Variants in N4BP2L2 observed in about 807,000 individuals in gnomAD.
The protein encoded by N4BP2L2 is NEDD4 binding protein 2 like 2, also known as NEDD4-binding protein 2-like 2.
A neutral mutation model predicts 56.2 loss-of-function variants in N4BP2L2; 50 were observed. The ratio of observed to expected loss-of-function variants is 0.89; its 90% CI spans 0.71 to 1.13. N4BP2L2 has a LOEUF of 1.13. Among genes scored for constraint, N4BP2L2 ranks in the 50% most tolerant of loss-of-function variants. The pLI is 0.00. For synonymous variants in N4BP2L2, 203 were observed against 223.6 expected (o/e 0.91, Z 0.82); for missense variants, 689 against 693.8 (o/e 0.99, Z 0.08).
At chr13:32,441,872 T>C (rs2076420255) in intron 7 of N4BP2L2, among the ~76,000 whole-genome samples, 1 of 147,790 alleles carries the variant, frequency 6.8e-6, no homozygotes, top group African/African-American at 2.5e-5. Flanking sequence ...TGAAACCTCG[T>C]CTCTACTAAA....
chr13:32,469,605 G>C (rs1014834001), intron 6 of N4BP2L2, among the ~76,000 whole-genome samples: 4 of 152,200 alleles, frequency 2.6e-5, no homozygotes, highest in African/African-American at 9.7e-5. Flanking sequence ...GTGGGAGTTA[G>C]GCAACTAATG....
rs146616547 is a variant in N4BP2L2, at chr13:32,463,605, G to A, written c.366-19479C>T. Among the ~76,000 whole-genome samples the A allele has an allele frequency of 3.3e-5, 5 of 150,692 alleles. No individual in the cohort carries two copies. The East Asian group carries it at 5.8e-4, about 18-fold the overall frequency. ...CTTGAACCTGGGAGGCAGAGGTTGC[G>A]GTGAGCAGAGATCCCTCCATTGCAC... On this transcript the variant is annotated intron_variant, in intron 6 of 9. Coordinates refer to the N4BP2L2 transcript ENST00000357505.
At chr13:32,460,796 TAAC>T (rs1173731501) in intron 6 of N4BP2L2, among the ~76,000 whole-genome samples, 3 of 151,442 alleles carry the variant, frequency 2.0e-5, no homozygotes, top group East Asian at 3.9e-4. Flanking sequence ...CTGAGCAAAA[TAAC>T]AACAACAAAC....
chr13:32,445,363 T>G (rs1566030123), intron 6 of N4BP2L2, among the ~76,000 whole-genome samples: 1 of 152,264 alleles, frequency 6.6e-6, no homozygotes, highest in Non-Finnish European at 1.5e-5. Context: ...GTTCTGTTGT[T>G]GACTGAAATT....
intron 6 of N4BP2L2, among the ~76,000 whole-genome samples, chr13:32,495,925 C>T (rs532495537): frequency 2.6e-5 from 4 of 152,176 alleles, no homozygotes; most frequent in East Asian, 1.9e-4. Context: ...TCAAGTGATC[C>T]GCCTGCCTCA....
intron 6 of N4BP2L2, among the ~76,000 whole-genome samples, chr13:32,462,297 G>C (rs938491141): frequency 6.6e-6 from 1 of 152,196 alleles, no homozygotes; most frequent in African/African-American, 2.4e-5. Flanking sequence ...TTTCCAGTAA[G>C]ATGAATGGAA....
chr13:32,486,539 G>A (rs1384468492), intron 6 of N4BP2L2, among the ~76,000 whole-genome samples: 1 of 151,988 alleles, frequency 6.6e-6, no homozygotes, highest in Admixed American at 6.6e-5. Flanking sequence ...AGCTGGGTGT[G>A]GAGGCTTGCA....
intron 5 of N4BP2L2, among the ~76,000 whole-genome samples, chr13:32,520,309 T>C (rs2050452810): frequency 6.6e-6 from 1 of 151,734 alleles, no homozygotes; most frequent in African/African-American, 2.4e-5. Context: ...AATAAAGTTG[T>C]TACCTAAAAA....
exon 2 of N4BP2L2, chr13:32,536,469 C>G: frequency 6.2e-7 from 1 of 1,612,730 alleles, no homozygotes; most frequent in Non-Finnish European, 8.5e-7. Flanking sequence ...TCAAAACCAT[C>G]TTTTTCCTTT....
At chr13:32,460,284 A>G (rs1484421671) in intron 6 of N4BP2L2, among the ~76,000 whole-genome samples, 1 of 152,216 alleles carries the variant, frequency 6.6e-6, no homozygotes, top group Non-Finnish European at 1.5e-5. Flanking sequence ...TATTCAATAC[A>G]GTACTGAGAG....
chr13:32,536,029 C>T, exon 2 of N4BP2L2: 1 of 1,613,932 alleles, frequency 6.2e-7, no homozygotes, highest in Non-Finnish European at 8.5e-7. Context: ...ATTCATTGTT[C>T]TGATCAAAAG....
At chr13:32,530,759 C>G (rs1253951069) in intron 2 of N4BP2L2, among the ~76,000 whole-genome samples, 1 of 152,022 alleles carries the variant, frequency 6.6e-6, no homozygotes, top group African/African-American at 2.4e-5. Flanking sequence ...AACCAAAGGC[C>G]TCCAATGATC....
Position 32,492,632 on chromosome 13 carries a change from C to G in N4BP2L2, c.365+25225G>C, listed in dbSNP as rs1324880644. Among the ~76,000 whole-genome samples the G allele has an allele frequency of 2.0e-5, 3 of 152,016 alleles. No individual in the cohort carries two copies. The East Asian group carries it at 5.8e-4, about 29-fold the overall frequency. ...GTAACAGGCGCACTATTAAGACAGC[C>G]CGATTTACTACTTTTTGAGTTCTCA... On this transcript the variant is annotated intron_variant, in intron 6 of 9. Transcript: ENST00000357505.
intron 6 of N4BP2L2, among the ~76,000 whole-genome samples, chr13:32,450,913 T>G: frequency 7.1e-6 from 1 of 140,134 alleles, no homozygotes; most frequent in Admixed American, 7.4e-5. Flanking sequence ...TGACGTGTTC[T>G]CCATGCTGTC....
intron 6 of N4BP2L2, among the ~76,000 whole-genome samples, chr13:32,491,985 A>C (rs2087219215): frequency 6.6e-6 from 1 of 152,178 alleles, no homozygotes; most frequent in African/African-American, 2.4e-5. Context: ...GTGAGTTATT[A>C]TGGAATTTGC....
Position 32,453,188 on chromosome 13 carries a change from G to A in N4BP2L2, c.366-9062C>T, listed in dbSNP as rs564193150. Among the ~76,000 whole-genome samples the A allele has an allele frequency of 3.9e-5, 6 of 152,320 alleles. 1 individual carries two copies. The highest frequency in any genetic ancestry group is 2.0e-4 in the Admixed American group (3 of 15,296). ...GCAGAAGTGCTTGAGCCAAAGAGGC[G>A]GAGGTTGCAGTAAGCCCAGATCTCG... On this transcript the variant is annotated intron_variant, in intron 6 of 9. Transcript: ENST00000357505.
intron 6 of N4BP2L2, among the ~76,000 whole-genome samples, chr13:32,455,042 T>C (rs1000914630): frequency 5.3e-5 from 8 of 152,164 alleles, no homozygotes; most frequent in African/African-American, 1.9e-4. Flanking sequence ...GATGACCTGA[T>C]AGCACTGCTC....
intron 6 of N4BP2L2, among the ~76,000 whole-genome samples, chr13:32,452,632 T>C (rs1001366432): frequency 3.9e-5 from 6 of 152,180 alleles, no homozygotes; most frequent in South Asian, 2.1e-4. Flanking sequence ...AGCTTTTTCA[T>C]AGTGGTAGAA....
chr13:32,466,091 G>T (rs1373392971), intron 6 of N4BP2L2, among the ~76,000 whole-genome samples: 1 of 152,086 alleles, frequency 6.6e-6, no homozygotes, highest in African/African-American at 2.4e-5. Context: ...AGAAATTCCA[G>T]CACATGGCTA....
Sources: gnomAD v4.1 joint callset for allele counts (sites outside exome capture counted in the v4.1 genomes callset) on GRCh38, gnomAD v4.1.1 for gene constraint, MANE v1.5 for transcripts, NCBI Gene and HGNC (gene_info 2026-07-23, HGNC 2026-07-21) for gene names.